Variants in BARD1 observed in about 807,000 individuals in gnomAD.
BARD1 encodes the protein BRCA1 associated RING domain 1.
Under a neutral mutation model 77.0 loss-of-function variants are expected in BARD1, and 73 were observed. That is an observed-to-expected ratio of 0.95 (90% confidence interval 0.79 to 1.15). The LOEUF is 1.15. Ranked by LOEUF, BARD1 falls within the 50% of genes most tolerant of loss-of-function variation. The probability of loss-of-function intolerance (pLI) is 0.00; values close to 1 mark genes in which losing one functional copy is unlikely to be tolerated. For synonymous variants in BARD1, 384 were observed against 338.0 expected (o/e 1.14, Z -1.49); for missense variants, 993 against 938.8 (o/e 1.06, Z -0.75).
chr2:214,728,952 A>T lies in BARD1; in HGVS notation c.2058T>A (p.His686Gln). The change falls in exon 11 of 11, where the codon CAT (histidine) becomes CAA (glutamine). Residue 686 changes from histidine to glutamine, a missense_variant. Transcript: ENST00000260947. ...CGAGCTTAATAAGGTTGTCCTTTGG[A>T]TGGTGTTTGAAGGTTCCCCACAAAT... The part of the protein sequence containing the change: ...YFYLWGTFKH[H>Q]PKDNLIKLVT... The T allele has an allele frequency of 6.2e-7, 1 of 1,614,148 alleles. No homozygotes were observed.
intron 1 of BARD1, among the ~76,000 whole-genome samples, chr2:214,800,108 T>C (rs967856804): frequency 6.6e-6 from 1 of 152,260 alleles, no homozygotes; most frequent in Admixed American, 6.5e-5. Context: ...ATTCTGTTTC[T>C]CAACTTTAAA....
chr2:214,809,096 T>G (rs1696427818), intron 1 of BARD1, among the ~76,000 whole-genome samples: 1 of 152,202 alleles, frequency 6.6e-6, no homozygotes, highest in South Asian at 2.1e-4. Context: ...CCAGCCCGAT[T>G]CAAACTCTGG....
chr2:214,773,941 A>G (rs1378066969), intron 4 of BARD1, among the ~76,000 whole-genome samples: 3 of 152,204 alleles, frequency 2.0e-5, no homozygotes, highest in Non-Finnish European at 2.9e-5. Flanking sequence ...TTTATCAACT[A>G]AGATGATATA....
intron 9 of BARD1, among the ~76,000 whole-genome samples, chr2:214,743,585 G>T (rs971337959): frequency 8.3e-6 from 1 of 121,182 alleles, no homozygotes; most frequent in Admixed American, 9.0e-5. Flanking sequence ...GATTTCACTA[G>T]TTATTTATTT....
intron 1 of BARD1, among the ~76,000 whole-genome samples, chr2:214,797,333 C>A (rs1343370222): frequency 6.6e-6 from 1 of 152,154 alleles, no homozygotes; most frequent in African/African-American, 2.4e-5. Flanking sequence ...AAACTGGGTA[C>A]AAGTTGTAAT....
rs767753791 is a variant in BARD1 at position 214,809,575 on chromosome 2, C to T, written c.-6G>A. The stretch of plus-strand genomic sequence containing the variant: ...GGCTGCCGATTATCCGGCATCGTCC[C>T]GCCTTCGGATGAAAGGCTCCTCGCA... On this transcript the variant is annotated 5_prime_UTR_variant, in exon 1 of 11. Coordinates refer to ENST00000260947, the MANE Select transcript of BARD1 (RefSeq NM_000465.4). The T allele has an allele frequency of 6.5e-7, 1 of 1,542,714 alleles. No individual in the cohort carries two copies. Among genetic ancestry groups the T allele is most frequent in the Non-Finnish European group, 8.7e-7 (1 of 1,147,284 alleles).
rs377144928 is a variant in BARD1 at position 214,752,404 on chromosome 2, T to C, written c.1677+43A>G. 3.7e-5 allele frequency: 56 copies of C among 1,523,398 alleles called. No homozygotes were observed. In the African/African-American group the frequency reaches 7.0e-4, roughly 19 times the overall value. The allele number at this position is 1,523,398 out of a possible 1,614,324, so 94.4% of individuals were successfully genotyped here. On this transcript the variant is annotated intron_variant, in intron 7 of 10. Transcript: ENST00000260947. ...TATTATGTTCCTTTCATAACCAATTTTAATAAAATATATAAATGTCCCAAA... is the reference window on the plus strand; with the variant it reads ...TATTATGTTCCTTTCATAACCAATTCTAATAAAATATATAAATGTCCCAAA...
chr2:214,761,868 C>T (rs6751923), intron 6 of BARD1, among the ~76,000 whole-genome samples: 119,717 of 152,126 alleles, frequency 0.79, 47,750 homozygotes, highest in Non-Finnish European at 0.86. Context: ...ATCATTATTG[C>T]ATCATTCTGG....
chr2:214,768,064 G>A (rs774573691), intron 5 of BARD1, among the ~76,000 whole-genome samples: 11 of 152,126 alleles, frequency 7.2e-5, no homozygotes, highest in African/African-American at 1.9e-4. Flanking sequence ...GTAAGTATCC[G>A]TGAAGGAATG....
chr2:214,731,819 G>A (rs951356512), intron 9 of BARD1, among the ~76,000 whole-genome samples: 10 of 152,222 alleles, frequency 6.6e-5, no homozygotes, highest in East Asian at 1.9e-4. Flanking sequence ...AGAGGGTATC[G>A]GGAAAGTTGG....
chr2:214,751,103 GTGTGTGTGTGTGTGTATATA>G (rs1415395250), intron 7 of BARD1, among the ~76,000 whole-genome samples: 16 of 17,590 alleles, frequency 9.1e-4, no homozygotes, highest in Admixed American at 2.6e-3. Context: ...GTGTGTGTGT[GTGTGTGTGTGTGTGTATATA>G]TATATATATA....
intron 4 of BARD1, among the ~76,000 whole-genome samples, chr2:214,770,533 C>G (rs531684953): frequency 6.6e-6 from 1 of 152,140 alleles, no homozygotes; most frequent in Non-Finnish European, 1.5e-5. Context: ...AAATGAGGCA[C>G]AAGGCAAGGA....
Position 214,780,791 on chromosome 2 carries a change from T to G in BARD1, c.1083A>C (p.Glu361Asp), listed in dbSNP as rs778116528. 6.5e-7 allele frequency: 1 copy of G among 1,541,490 alleles called. No individual in the cohort carries two copies. The highest frequency in any genetic ancestry group is 1.5e-5 in the African/African-American group (1 of 68,910). ...GTTTGCATGAAGGTGGTGAAGAACA[T>G]TCAGGCAATGGTATATTTTCTGAGG... The part of the protein sequence containing the change: ...TVPSENIPLP[E>D]CSSPPSCKRK... Residue 361 changes from glutamate to aspartate, a missense_variant, in exon 4 of 11, where the codon GAA (glutamate) becomes GAC (aspartate). By Grantham distance (45) the Glu-to-Asp change is conservative. Coordinates refer to ENST00000260947, the MANE Select transcript of BARD1 (RefSeq NM_000465.4).
At chr2:214,764,568 GC>G (rs1279759243) in intron 6 of BARD1, among the ~76,000 whole-genome samples, 1 of 152,182 alleles carries the variant, frequency 6.6e-6, no homozygotes, top group Non-Finnish European at 1.5e-5. Context: ...GAAAGGAGAA[GC>G]TGTGAAGACC....
chr2:214,726,148 T>C lies in BARD1; in HGVS notation c.*2528A>G, dbSNP rs1461735962. Reference sequence around the variant, plus strand: ...GAAGTCAGTGAAAACCTTCACACATTGCTCATTTACCCTTATTTCAATCAT... The same window carrying C: ...GAAGTCAGTGAAAACCTTCACACATCGCTCATTTACCCTTATTTCAATCAT... On this transcript the variant is annotated 3_prime_UTR_variant, in exon 11 of 11. Transcript: ENST00000260947. 9.2e-6 allele frequency: 2 copies of C among 216,718 alleles called. No individual in the cohort carries two copies. The highest frequency in any genetic ancestry group is 1.4e-4 in the East Asian group (2 of 14,686). 13.4% of individuals were successfully genotyped at this position (216,718 alleles called of 1,614,324 possible).
intron 1 of BARD1, among the ~76,000 whole-genome samples, chr2:214,808,924 G>A (rs1696414310): frequency 6.6e-6 from 1 of 152,232 alleles, no homozygotes; most frequent in Admixed American, 6.5e-5. Context: ...CGAAAAAGCT[G>A]GCACGGAGAA....
intron 6 of BARD1, among the ~76,000 whole-genome samples, chr2:214,761,669 T>C (rs1374505392): frequency 6.6e-6 from 1 of 152,062 alleles, no homozygotes; most frequent in Admixed American, 6.6e-5. Flanking sequence ...AGATCATCTC[T>C]GCAGAAGCTG....
intron 7 of BARD1, among the ~76,000 whole-genome samples, chr2:214,750,256 C>G (rs112418001): frequency 6.6e-6 from 1 of 152,260 alleles, no homozygotes; most frequent in East Asian, 1.9e-4. Flanking sequence ...ACTGCAGCCT[C>G]CCAATCAGCC....
At chr2:214,764,222 A>G (rs1397819647) in intron 6 of BARD1, among the ~76,000 whole-genome samples, 1 of 152,210 alleles carries the variant, frequency 6.6e-6, no homozygotes, top group Non-Finnish European at 1.5e-5. Flanking sequence ...TCATTCAAAC[A>G]CTAATTCACT....
Sources: allele counts gnomAD v4.1 joint callset (sites outside exome capture counted in the v4.1 genomes callset), GRCh38; gene constraint gnomAD v4.1.1; transcripts MANE v1.5; gene names NCBI Gene and HGNC (gene_info 2026-07-23, HGNC 2026-07-21).